The following BRDT variants were observed in gnomAD, a reference collection of about 807,000 sequenced individuals.
BRDT encodes bromodomain testis-specific protein.
Under a neutral mutation model 113.9 loss-of-function variants are expected in BRDT, and 77 were observed. That is an observed-to-expected ratio of 0.68 (90% CI 0.56 to 0.82). BRDT has a LOEUF of 0.82. Ranked by LOEUF, BRDT falls within the 40% of genes least tolerant of loss-of-function variation. BRDT has a pLI of 0.00. For missense variants in BRDT, 1,027 were observed against 1,105.4 expected (o/e 0.93, Z 1.01); for synonymous variants, 358 against 366.5 (o/e 0.98, Z 0.26).
chr1:91,963,068 A>T (rs1195875742), intron 2 of BRDT, 122 bp downstream of exon 2: 3 of 749,516 alleles, frequency 4.0e-6, no homozygotes, highest in Non-Finnish European at 6.0e-6. Context: ...TCCCGCCTAT[A>T]ATCCCAGCAC....
At chr1:92,003,218 A>G (rs1357375241) in intron 16 of BRDT, among the ~76,000 whole-genome samples, 4 of 152,118 alleles carry the variant, frequency 2.6e-5, no homozygotes, top group African/African-American at 9.7e-5. Context: ...TCCTTTTATT[A>G]CTTCAGGATA....
chr1:91,968,019 A>G, intron 3 of BRDT, 127 bp from the exon 4 acceptor site: 1 of 875,368 alleles, frequency 1.1e-6, no homozygotes, highest in Non-Finnish European at 1.6e-6. Flanking sequence ...TATTTTCTAA[A>G]TTTATAAGAG....
At chr1:91,966,679 A>G (rs545278295) in intron 3 of BRDT, among the ~76,000 whole-genome samples, 2 of 152,340 alleles carry the variant, frequency 1.3e-5, no homozygotes, top group South Asian at 2.1e-4. Context: ...TGTTCTCTTT[A>G]TTTAAGAGAA....
At chr1:91,969,222 G>A (rs1683376715) in intron 4 of BRDT, among the ~76,000 whole-genome samples, 1 of 152,060 alleles carries the variant, frequency 6.6e-6, no homozygotes, top group South Asian at 2.1e-4. Flanking sequence ...TTACAGGCGT[G>A]AGCCACCGCG....
chr1:92,003,927 C>T (rs941261627), intron 16 of BRDT, among the ~76,000 whole-genome samples: 1 of 152,030 alleles, frequency 6.6e-6, no homozygotes, highest in African/African-American at 2.4e-5. Flanking sequence ...TTAAGAAGAG[C>T]AGTCACATCA....
At chr1:91,952,991 G>A (rs1399430923) in intron 1 of BRDT, among the ~76,000 whole-genome samples, 1 of 152,012 alleles carries the variant, frequency 6.6e-6, no homozygotes, top group African/African-American at 2.4e-5. Flanking sequence ...TAGGGTACAT[G>A]TGCACAACGT....
rs1021892311 is a variant in BRDT at position 91,991,914 on chromosome 1, C to T, written c.2065-350C>T. The stretch of plus-strand genomic sequence containing the variant: ...GGCTGAGGCAGGAGGATGGCGTGAA[C>T]CCGGGAGGCAGAGCTTCCAGTGAGC... On this transcript the variant is annotated intron_variant, in intron 13 of 18. Transcript: ENST00000399546. Among the ~76,000 whole-genome samples, 58 of 140,088 alleles carry T rather than the reference C, an allele frequency of 4.1e-4. 1 individual carries two copies. Among genetic ancestry groups the T allele is most frequent in the Non-Finnish European group, 4.8e-4 (32 of 66,370 alleles). 91.9% of individuals were successfully genotyped at this position (140,088 alleles called of 152,430 possible). A position where few individuals can be genotyped will look rare whatever the true frequency, so the allele number is the denominator to read the frequency against.
intron 1 of BRDT, among the ~76,000 whole-genome samples, chr1:91,952,710 G>A (rs1048263009): frequency 4.7e-5 from 7 of 150,480 alleles, no homozygotes; most frequent in Non-Finnish European, 7.4e-5. Context: ...GGAGCTTGAG[G>A]CAGGCGGAGG....
At chr1:91,979,532 A>C (rs1684516926) in intron 7 of BRDT, 37 bp from the exon 8 acceptor site, 2 of 1,569,380 alleles carry the variant, frequency 1.3e-6, no homozygotes, top group Non-Finnish European at 1.7e-6. Flanking sequence ...TAAATAAAAA[A>C]TACAGAAAAC....
chr1:91,981,768 C>A lies in BRDT; in HGVS notation c.2002+13C>A, dbSNP rs1684757041. The A allele has an allele frequency of 2.5e-6, 4 of 1,599,908 alleles. No individual in the cohort carries two copies. Among genetic ancestry groups the A allele is most frequent in the Non-Finnish European group, 3.4e-6 (4 of 1,173,016 alleles). ...GATTCTGAATCAGGTTAGCTGTCCC[C>A]TTAAATGTACCTCTGTTGATGGGAG... is the stretch of plus-strand genomic sequence containing the variant. On this transcript the variant is annotated intron_variant, in intron 12 of 18. Coordinates refer to ENST00000399546, the MANE Select transcript of BRDT (RefSeq NM_207189.4).
rs144152504 is a variant in BRDT at position 91,988,697 on chromosome 1, G to A, written c.2003-2487G>A. On this transcript the variant is annotated intron_variant, in intron 12 of 18. Coordinates refer to ENST00000399546, the MANE Select transcript of BRDT (RefSeq NM_207189.4). ...ATTACAGGTGTGAGCTACCACGCCC[G>A]GCCTTGTTATCGATTTTAATTGATG... 4.1e-3 allele frequency among the ~76,000 whole-genome samples: 621 copies of A among 152,180 alleles called. 7 individuals carry two copies. The highest frequency in any genetic ancestry group is 0.014 in the African/African-American group (584 of 41,520).
chr1:91,991,297 G>T, intron 13 of BRDT, 52 bp downstream of exon 13: 1 of 1,007,824 alleles, frequency 9.9e-7, no homozygotes, highest in Non-Finnish European at 1.4e-6. Flanking sequence ...TATAACTCAT[G>T]GGTATAGTAG....
At chr1:91,990,167 C>T (rs1258645571) in intron 12 of BRDT, among the ~76,000 whole-genome samples, 4 of 152,116 alleles carry the variant, frequency 2.6e-5, no homozygotes, top group African/African-American at 9.7e-5. Flanking sequence ...AAGAGAAACC[C>T]ACTAGAACCG....
At position 91,994,125 on chromosome 1, in the gene BRDT, C is replaced by G; in HGVS notation, c.2158C>G (p.Leu720Val). Residue 720 changes from leucine (L) to valine (V), a missense_variant, in exon 15 of 19, where the codon CTT becomes GTT. Transcript: ENST00000399546. ...VQDTTSANTTLVHQTTPSHVM... is the reference protein window; with the variant it reads ...VQDTTSANTTVVHQTTPSHVM... ...AGACACAACCTCTGCCAATACTACC[C>G]TTGTTCATCAGACCACACCTTCACA... The G allele has an allele frequency of 6.2e-7, 1 of 1,612,726 alleles. No homozygotes were observed.
At chr1:91,960,483 G>A (rs1682324038) in intron 1 of BRDT, among the ~76,000 whole-genome samples, 1 of 152,156 alleles carries the variant, frequency 6.6e-6, no homozygotes, top group African/African-American at 2.4e-5. Context: ...GAAGCATTTA[G>A]GGTAGTCAAA....
intron 1 of BRDT, among the ~76,000 whole-genome samples, chr1:91,961,345 T>C (rs1397918729): frequency 1.3e-5 from 2 of 151,602 alleles, no homozygotes; most frequent in Non-Finnish European, 2.9e-5. Flanking sequence ...ATAAAATCAC[T>C]TTGGCTGGGC....
chr1:91,986,832 A>G (rs544912440), intron 12 of BRDT, among the ~76,000 whole-genome samples: 1 of 152,326 alleles, frequency 6.6e-6, no homozygotes, highest in African/African-American at 2.4e-5. Context: ...ATGATTTAGT[A>G]AGTGCAGGAA....
intron 18 of BRDT, 84 bp downstream of exon 18, chr1:92,005,383 T>C (rs1687209124): frequency 1.6e-6 from 2 of 1,267,986 alleles, no homozygotes; most frequent in East Asian, 5.6e-5. Flanking sequence ...CAAGGATGCA[T>C]TTGGGGTAAT....
intron 18 of BRDT, 98 bp from the exon 19 acceptor site, chr1:92,014,108 T>C: frequency 1.3e-6 from 1 of 749,240 alleles, no homozygotes; most frequent in Non-Finnish European, 2.1e-6. Context: ...TTTTCTTTTG[T>C]ATGATTTGTT....
Sources: allele counts gnomAD v4.1 joint callset (sites outside exome capture counted in the v4.1 genomes callset), GRCh38; gene constraint gnomAD v4.1.1; transcripts MANE v1.5; gene names NCBI Gene and HGNC (gene_info 2026-07-23, HGNC 2026-07-21).